PKHD1: variants seen among roughly 807,000 people sequenced by gnomAD.
PKHD1 encodes the protein PKHD1 ciliary IPT domain containing fibrocystin/polyductin.
In PKHD1, 291 loss-of-function variants were observed where a neutral mutation model predicts 412.0. The ratio of observed to expected loss-of-function variants is 0.71; its 90% CI spans 0.64 to 0.78. The LOEUF (loss-of-function observed/expected upper bound fraction) is 0.78. Ranked by LOEUF, PKHD1 falls within the 30% of genes least tolerant of loss-of-function variation. PKHD1 has a pLI of 0.00. For synonymous variants in PKHD1, 1,777 were observed against 1,821.5 expected, an observed-to-expected ratio of 0.98 and a Z score of 0.62; for missense variants, 4,825 against 4,950.7, an observed-to-expected ratio of 0.97 and a Z score of 0.76.
chr6:51,917,008 C>T (rs1783902054), intron 37 of PKHD1, among the ~76,000 whole-genome samples: 1 of 151,964 alleles, frequency 6.6e-6, no homozygotes, highest in South Asian at 2.1e-4. Context: ...TCTCAGAGCA[C>T]CATTCTTACT....
In PKHD1 at chr6:52,025,624, G is replaced by C; in HGVS notation, c.4186C>G (p.Pro1396Ala). The C allele has an allele frequency of 6.2e-7, 1 of 1,614,120 alleles. No homozygotes were observed. The highest frequency in any genetic ancestry group is 1.3e-5 in the African/African-American group (1 of 75,008). ...CCACCACATGCCGAACCCTGCGATG[G>C]GAAGATGGCCATTATCCGAGGCATC... ...AVMPRIMAIFPSQGSACGGTI... is the reference protein window; with the variant it reads ...AVMPRIMAIFASQGSACGGTI... Residue 1396 changes from proline (P) to alanine (A), a missense_variant, in exon 32 of 67, where the codon CCA becomes GCA. Transcript: ENST00000371117.
At chr6:51,712,788 C>T (rs1433735745) in intron 60 of PKHD1, among the ~76,000 whole-genome samples, 5 of 152,122 alleles carry the variant, frequency 3.3e-5, no homozygotes, top group African/African-American at 4.8e-5. Flanking sequence ...TCCTCTAAAA[C>T]GTGGATGAAA....
At chr6:51,865,436 T>C (rs1774904296) in intron 48 of PKHD1, among the ~76,000 whole-genome samples, 1 of 152,102 alleles carries the variant, frequency 6.6e-6, no homozygotes, top group South Asian at 2.1e-4. Flanking sequence ...TTTAAGGCAG[T>C]GAGGGACAGG....
intron 50 of PKHD1, among the ~76,000 whole-genome samples, chr6:51,842,117 T>G (rs1770312996): frequency 6.6e-6 from 1 of 152,212 alleles, no homozygotes; most frequent in African/African-American, 2.4e-5. Flanking sequence ...ACACAAGTGT[T>G]GGCCAGCCTG....
intron 60 of PKHD1, among the ~76,000 whole-genome samples, chr6:51,675,290 C>A (rs965025347): frequency 2.0e-5 from 3 of 152,130 alleles, no homozygotes; most frequent in Admixed American, 6.5e-5. Flanking sequence ...ATTTTTCCTT[C>A]CTCTGGATTT....
At chr6:51,904,620 G>A (rs917533064) in intron 41 of PKHD1, among the ~76,000 whole-genome samples, 5 of 152,260 alleles carry the variant, frequency 3.3e-5, no homozygotes, top group African/African-American at 1.2e-4. Flanking sequence ...TACTTGTTAT[G>A]TGTGAGATTG....
intron 52 of PKHD1, among the ~76,000 whole-genome samples, chr6:51,811,987 T>C (rs1167682165): frequency 6.6e-6 from 1 of 152,200 alleles, no homozygotes; most frequent in East Asian, 1.9e-4. Context: ...ATTGTAAAGA[T>C]GTCAGATAGC....
intron 22 of PKHD1, among the ~76,000 whole-genome samples, chr6:52,048,953 C>T (rs1191173576): frequency 6.6e-6 from 1 of 152,198 alleles, no homozygotes; most frequent in Non-Finnish European, 1.5e-5. Flanking sequence ...ATGGAACAAA[C>T]ATTTAGTCAA....
rs868353159 is a variant in PKHD1, at chr6:52,058,463, G to T, written c.1372C>A (p.His458Asn). ...CCCCTGCTTGGGGCTATCCCATGAT[G>T]CTCTGCTTCCAGGTAGTACATGGCT... is the stretch of plus-strand genomic sequence containing the variant. Reference protein sequence around the residue: ...GGAMYYLEAEHHGIAPSRGMR... With the variant: ...GGAMYYLEAENHGIAPSRGMR... The change falls in exon 16 of 67, where the codon CAT (histidine) becomes AAT (asparagine). Residue 458 changes from histidine (H) to asparagine (N), a missense_variant. His to Asn is a moderately conservative substitution (Grantham distance 68). Coordinates refer to ENST00000371117, the MANE Select transcript of PKHD1 (RefSeq NM_138694.4). 3 of 1,614,180 alleles carry T rather than the reference G, an allele frequency of 1.9e-6. No individual in the cohort carries two copies. The highest frequency in any genetic ancestry group is 2.5e-6 in the Non-Finnish European group (3 of 1,180,014).
chr6:52,082,158 A>G (rs1812127859), intron 4 of PKHD1, among the ~76,000 whole-genome samples: 1 of 152,186 alleles, frequency 6.6e-6, no homozygotes, highest in Non-Finnish European at 1.5e-5. Context: ...TGGAAACACA[A>G]TCCAGCCCCT....
chr6:51,766,123 T>C (rs940677080), intron 55 of PKHD1, among the ~76,000 whole-genome samples: 6 of 152,158 alleles, frequency 3.9e-5, no homozygotes, highest in African/African-American at 1.2e-4. Flanking sequence ...TATCTCCAGA[T>C]CATAGCTCAA....
rs530416953 is a variant in PKHD1, at chr6:51,953,532, T to C, written c.5908+6338A>G. The stretch of plus-strand genomic sequence containing the variant: ...GAAAGCATTATCTGAAGCATGCATC[T>C]ACTGAATCTGAGGCTGGCTTAGTGC... On this transcript the variant is annotated intron_variant, in intron 36 of 66. Coordinates refer to ENST00000371117, the MANE Select transcript of PKHD1 (RefSeq NM_138694.4). 3.3e-5 allele frequency among the ~76,000 whole-genome samples: 5 copies of C among 151,940 alleles called. No individual in the cohort carries two copies. The East Asian group carries it at 9.7e-4, about 30-fold the overall frequency.
At chr6:51,619,659 T>G (rs912875449) in intron 66 of PKHD1, 139 bp from the exon 67 acceptor site, 3 of 703,662 alleles carry the variant, frequency 4.3e-6, no homozygotes, top group Non-Finnish European at 7.2e-6. Flanking sequence ...TCCAAATATC[T>G]TTTATCAGAC....
In PKHD1 at chr6:52,025,234, A is replaced by G. The variant is rs1299831383; in HGVS notation, c.4576T>C (p.Cys1526Arg). 1 of 1,614,138 alleles carries G rather than the reference A, an allele frequency of 6.2e-7. No homozygotes were observed. ...CTTGCATTAAAAAAAGTTACATTGC[A>G]AGGAAGTTGATCATCCACAAATACC... ...PMVFVDDQLP[C>R]NVTFFNASHV... The change falls in exon 32 of 67, where the codon TGC (cysteine) becomes CGC (arginine). Residue 1526 changes from cysteine to arginine, a missense_variant. Coordinates refer to ENST00000371117, the MANE Select transcript of PKHD1 (RefSeq NM_138694.4).
chr6:51,668,104 A>G (rs376667024), intron 60 of PKHD1, among the ~76,000 whole-genome samples: 1 of 152,140 alleles, frequency 6.6e-6, no homozygotes, highest in African/African-American at 2.4e-5. Context: ...TAGCTTGATG[A>G]GGATGGCACT....
intron 41 of PKHD1, among the ~76,000 whole-genome samples, chr6:51,904,360 C>T (rs1272568020): frequency 1.3e-5 from 2 of 152,126 alleles, no homozygotes; most frequent in Non-Finnish European, 1.5e-5. Flanking sequence ...TCAAACTGGC[C>T]ACCTGCTATC....
intron 60 of PKHD1, among the ~76,000 whole-genome samples, chr6:51,727,662 C>T (rs1466066494): frequency 1.3e-5 from 2 of 152,116 alleles, no homozygotes; most frequent in African/African-American, 4.8e-5. Context: ...GTATGCATGC[C>T]CATCTGAGGC....
intron 64 of PKHD1, among the ~76,000 whole-genome samples, chr6:51,632,959 T>G (rs1399870941): frequency 6.6e-6 from 1 of 152,174 alleles, no homozygotes; most frequent in Admixed American, 6.6e-5. Flanking sequence ...AATTATTGAT[T>G]GAGAATTCTT....
chr6:52,052,722 C>T (rs1379732218), intron 21 of PKHD1, among the ~76,000 whole-genome samples: 1 of 152,050 alleles, frequency 6.6e-6, no homozygotes, highest in Non-Finnish European at 1.5e-5. Flanking sequence ...GTAAGGAGTA[C>T]TTTATATTAA....
Sources: allele counts gnomAD v4.1 joint callset (sites outside exome capture counted in the v4.1 genomes callset), GRCh38; gene constraint gnomAD v4.1.1; transcripts MANE v1.5; gene names NCBI Gene and HGNC (gene_info 2026-07-23, HGNC 2026-07-21).